The following RSPO2 variants were observed in gnomAD, a reference collection of about 807,000 sequenced individuals.
RSPO2 encodes R-spondin 2, also known as R-spondin-2.
Under a neutral mutation model 30.9 loss-of-function variants are expected in RSPO2, and 14 were observed. That is an observed-to-expected ratio of 0.45 (90% confidence interval 0.30 to 0.71). The LOEUF (loss-of-function observed/expected upper bound fraction) is 0.71, where lower values mean the gene tolerates loss of function less well. RSPO2 is among the 30% of genes least tolerant of loss of function. RSPO2 has a pLI of 0.08. For missense variants in RSPO2, 264 were observed against 301.9 expected (o/e 0.87, Z 0.93); for synonymous variants, 107 against 96.4 (o/e 1.11, Z -0.64).
chr8:108,008,730 T>C (rs1192738110), intron 2 of RSPO2, among the ~76,000 whole-genome samples: 1 of 151,142 alleles, frequency 6.6e-6, no homozygotes, highest in Non-Finnish European at 1.5e-5. Context: ...TGTAAGTCTA[T>C]GTTCACAGGG....
intron 5 of RSPO2, among the ~76,000 whole-genome samples, chr8:107,929,040 G>C (rs897254592): frequency 6.6e-6 from 1 of 152,148 alleles, no homozygotes; most frequent in South Asian, 2.1e-4. Context: ...CGCATGCCCT[G>C]ACACTGTTGC....
chr8:107,953,229 A>G (rs1051414120), intron 5 of RSPO2, among the ~76,000 whole-genome samples: 5 of 152,176 alleles, frequency 3.3e-5, no homozygotes, highest in Admixed American at 6.5e-5. Flanking sequence ...CCAAGGAGCA[A>G]TGGTCAAAGA....
chr8:107,966,977 A>G (rs544328414), intron 3 of RSPO2, among the ~76,000 whole-genome samples: 43 of 152,174 alleles, frequency 2.8e-4, no homozygotes, highest in Non-Finnish European at 5.0e-4. Flanking sequence ...GCCTTAGCAC[A>G]CCATGAAAAT....
chr8:107,958,096 C>A lies in RSPO2; in HGVS notation c.600G>T (p.Met200Ile). ...CACACCTACCTCCTGGACAATGCCT[C>A]ATTGTCATCTTGCATCTCCTGGATT... ...IAESRRCKMT[M>I]RHCPGGKRTP... The change falls in exon 5 of 6, where the codon ATG becomes ATT. Residue 200 changes from methionine to isoleucine, a missense_variant. Coordinates refer to ENST00000276659, the MANE Select transcript of RSPO2 (RefSeq NM_178565.5). 6.2e-7 allele frequency: 1 copy of A among 1,613,252 alleles called. No individual in the cohort carries two copies. The highest frequency in any genetic ancestry group is 8.5e-7 in the Non-Finnish European group (1 of 1,179,316).
At chr8:107,916,675 G>C (rs1191870720) in intron 5 of RSPO2, among the ~76,000 whole-genome samples, 2 of 152,164 alleles carry the variant, frequency 1.3e-5, no homozygotes, top group Non-Finnish European at 2.9e-5. Context: ...CAAGAGAAAA[G>C]GGTTGGTCTT....
chr8:108,063,220 T>C (rs1370592610), intron 2 of RSPO2, among the ~76,000 whole-genome samples: 1 of 151,692 alleles, frequency 6.6e-6, no homozygotes, highest in Non-Finnish European at 1.5e-5. Flanking sequence ...GGCATTCAAC[T>C]AGGAAAAGAG....
chr8:107,989,238 T>A lies in RSPO2; in HGVS notation c.101A>T (p.Tyr34Phe), dbSNP rs763230106. 1.3e-6 allele frequency: 2 copies of A among 1,550,900 alleles called. No individual in the cohort carries two copies. Among genetic ancestry groups the A allele is most frequent in the Admixed American group, 2.2e-5 (1 of 44,844 alleles). ...NRWRRSKRAS[Y>F]VSNPICKGCL... ...ACCCTTGCAAATGGGATTTGATACA[T>A]AACTAGCTGTAAAAGAAAAACAAAA... The change falls in exon 3 of 6, where the codon TAT becomes TTT. Residue 34 changes from tyrosine (Y) to phenylalanine (F), a missense_variant. Tyr to Phe is a conservative substitution (Grantham distance 22, BLOSUM62 3). Transcript: ENST00000276659.
At chr8:107,983,779 T>C (rs1357783088) in intron 3 of RSPO2, 15 of 1,599,590 alleles carry the variant, frequency 9.4e-6, no homozygotes, top group Middle Eastern at 4.5e-4. Flanking sequence ...GCTGATTTTG[T>C]AGAAACATCA....
chr8:108,057,095 C>G (rs11776663), intron 2 of RSPO2, among the ~76,000 whole-genome samples: 1 of 91,892 alleles, frequency 1.1e-5, no homozygotes, highest in Non-Finnish European at 2.4e-5. Flanking sequence ...AAAAAAAAGA[C>G]GTATAAAATA....
intron 2 of RSPO2, among the ~76,000 whole-genome samples, chr8:108,022,692 G>T (rs527390281): frequency 6.6e-6 from 1 of 152,056 alleles, no homozygotes; most frequent in African/African-American, 2.4e-5. Flanking sequence ...TTGGGAGGCC[G>T]AGGTGGGCGG....
At chr8:108,082,309 G>T (rs113794294) in intron 2 of RSPO2, among the ~76,000 whole-genome samples, 7 of 152,212 alleles carry the variant, frequency 4.6e-5, no homozygotes, top group African/African-American at 1.7e-4. Flanking sequence ...CCCGATTGGC[G>T]CCCGGCTCGC....
chr8:108,013,100 A>G lies in RSPO2; in HGVS notation c.95-23856T>C, dbSNP rs139098960. Among the ~76,000 whole-genome samples the G allele has an allele frequency of 2.5e-3, 383 of 152,346 alleles. 2 individuals are homozygous for G. Among genetic ancestry groups the G allele is most frequent in the African/African-American group, 8.9e-3 (369 of 41,586 alleles). On this transcript the variant is annotated intron_variant, in intron 2 of 5. Transcript: ENST00000276659. The stretch of plus-strand genomic sequence containing the variant: ...ACATCCTAGTTCCCTACAATAACCC[A>G]TTATGGATCTGGCATCTACAAATTT...
intron 5 of RSPO2, among the ~76,000 whole-genome samples, chr8:107,905,773 C>A (rs1458753793): frequency 1.9e-5 from 1 of 52,536 alleles, no homozygotes; most frequent in African/African-American, 1.6e-4. Context: ...TAGTACTGTA[C>A]CATTTTTTTT....
intron 2 of RSPO2, among the ~76,000 whole-genome samples, chr8:108,003,505 A>G (rs1815351190): frequency 1.3e-5 from 2 of 151,004 alleles, no homozygotes; most frequent in Admixed American, 6.6e-5. Context: ...TAACATTTAT[A>G]AGCAGGTTAT....
At chr8:108,065,109 A>G (rs1386274598) in intron 2 of RSPO2, among the ~76,000 whole-genome samples, 1 of 151,920 alleles carries the variant, frequency 6.6e-6, no homozygotes, top group African/African-American at 2.4e-5. Flanking sequence ...AACATGGCCT[A>G]TGTATACATA....
rs57117760 is a variant in RSPO2, at chr8:108,013,963, C to T, written c.95-24719G>A. 5.0e-3 allele frequency among the ~76,000 whole-genome samples: 755 copies of T among 152,114 alleles called. 9 individuals carry two copies. The highest frequency in any genetic ancestry group is 0.017 in the African/African-American group (724 of 41,496). On this transcript the variant is annotated intron_variant, in intron 2 of 5. Coordinates refer to ENST00000276659, the MANE Select transcript of RSPO2 (RefSeq NM_178565.5). ...TGCAATCTATCCATCTGACAAAGGG[C>T]TAATATCCAGAATCTACAAAGAACT...
intron 3 of RSPO2, among the ~76,000 whole-genome samples, chr8:107,979,379 T>C (rs998919617): frequency 1.3e-5 from 2 of 152,106 alleles, no homozygotes; most frequent in Non-Finnish European, 2.9e-5. Flanking sequence ...ATGTCCTTTG[T>C]AGGGACATGG....
At chr8:108,041,805 A>G (rs1004679784) in intron 2 of RSPO2, among the ~76,000 whole-genome samples, 51 of 152,220 alleles carry the variant, frequency 3.4e-4, no homozygotes, top group Middle Eastern at 3.4e-3. Flanking sequence ...GTAAATCCCA[A>G]CTGAGACCAA....
chr8:107,965,294 C>T (rs1394294793), intron 3 of RSPO2, among the ~76,000 whole-genome samples: 1 of 152,176 alleles, frequency 6.6e-6, no homozygotes, highest in Non-Finnish European at 1.5e-5. Context: ...CAAATACAGT[C>T]TGATGGGGCT....
Sources: allele counts gnomAD v4.1 joint callset (sites outside exome capture counted in the v4.1 genomes callset), GRCh38; gene constraint gnomAD v4.1.1; transcripts MANE v1.5; gene names NCBI Gene and HGNC (gene_info 2026-07-23, HGNC 2026-07-21).